The following ADAMTSL1 variants were observed in gnomAD, a reference collection of about 807,000 sequenced individuals.
ADAMTSL1 encodes the protein ADAMTS-like protein 1.
Under a neutral mutation model 201.8 loss-of-function variants are expected in ADAMTSL1, and 126 were observed. That is an observed-to-expected ratio of 0.62 (90% CI 0.54 to 0.72). The LOEUF is 0.72. Among genes scored for constraint, ADAMTSL1 ranks in the 30% least tolerant of loss-of-function variants. The pLI is 0.00. For missense variants in ADAMTSL1, 2,679 were observed against 2,277.8 expected (o/e 1.18, Z -3.59); for synonymous variants, 1,121 against 903.4 (o/e 1.24, Z -4.32).
intron 2 of ADAMTSL1, among the ~76,000 whole-genome samples, chr9:18,349,532 T>C (rs891097113): frequency 1.3e-5 from 2 of 152,152 alleles, no homozygotes; most frequent in South Asian, 2.1e-4. Context: ...CCTCAAGATA[T>C]TATTGGGAGG....
chr9:18,100,112 C>T (rs1824451731), intron 1 of ADAMTSL1, among the ~76,000 whole-genome samples: 1 of 151,950 alleles, frequency 6.6e-6, no homozygotes, highest in Non-Finnish European at 1.5e-5. Flanking sequence ...ATTGTTTAGC[C>T]TGTTTTTATG....
intron 2 of ADAMTSL1, among the ~76,000 whole-genome samples, chr9:18,224,033 T>C (rs919979422): frequency 6.6e-6 from 1 of 152,130 alleles, no homozygotes; most frequent in Non-Finnish European, 1.5e-5. Context: ...TTTTTTTTCT[T>C]CTTTTATCCT....
At chr9:18,084,383 G>A (rs528770797) in intron 1 of ADAMTSL1, among the ~76,000 whole-genome samples, 6 of 152,106 alleles carry the variant, frequency 3.9e-5, no homozygotes, top group East Asian at 1.9e-4. Context: ...TTAGCTGGGC[G>A]CGGTGGTGTG....
chr9:18,800,101 G>C (rs1822689184), intron 20 of ADAMTSL1, among the ~76,000 whole-genome samples: 1 of 152,144 alleles, frequency 6.6e-6, no homozygotes, highest in African/African-American at 2.4e-5. Context: ...AGTGGCCCAG[G>C]CACGGTGGCT....
intron 1 of ADAMTSL1, among the ~76,000 whole-genome samples, chr9:18,485,681 C>T (rs952164115): frequency 2.6e-5 from 4 of 152,134 alleles, no homozygotes; most frequent in Admixed American, 2.6e-4. Flanking sequence ...GAGGGACTTG[C>T]ACGGCAAAGG....
At chr9:18,661,154 T>C (rs187506833) in intron 8 of ADAMTSL1, among the ~76,000 whole-genome samples, 130 of 152,210 alleles carry the variant, frequency 8.5e-4, no homozygotes, top group Admixed American at 6.0e-3. Context: ...GTAGGAAAGA[T>C]AAAACATATG....
At chr9:18,577,112 A>G (rs1192684949) in intron 4 of ADAMTSL1, among the ~76,000 whole-genome samples, 2 of 152,194 alleles carry the variant, frequency 1.3e-5, no homozygotes, top group African/African-American at 4.8e-5. Context: ...AATTCTATGT[A>G]TTGAAAACAC....
chr9:18,868,633 T>C (rs1827689793), intron 23 of ADAMTSL1, among the ~76,000 whole-genome samples: 1 of 152,190 alleles, frequency 6.6e-6, no homozygotes, highest in African/African-American at 2.4e-5. Flanking sequence ...GTTTGGAAAA[T>C]ATAAAGCTCA....
At chr9:17,915,412 G>T (rs1826054091) in intron 1 of ADAMTSL1, among the ~76,000 whole-genome samples, 1 of 152,080 alleles carries the variant, frequency 6.6e-6, no homozygotes, top group African/African-American at 2.4e-5. Flanking sequence ...TTATTCCTGA[G>T]TAGTATTGCA....
At chr9:18,006,073 A>C (rs1819808322) in intron 1 of ADAMTSL1, among the ~76,000 whole-genome samples, 1 of 151,782 alleles carries the variant, frequency 6.6e-6, no homozygotes, top group Admixed American at 6.6e-5. Context: ...GTAAATTTGA[A>C]CAACCACCAC....
chr9:18,799,522 G>C (rs1822641872), intron 20 of ADAMTSL1, among the ~76,000 whole-genome samples: 1 of 152,176 alleles, frequency 6.6e-6, no homozygotes, highest in South Asian at 2.1e-4. Context: ...ATGGAGCATT[G>C]GTGAGGTCAT....
At chr9:18,769,257 G>T (rs964058954) in intron 16 of ADAMTSL1, among the ~76,000 whole-genome samples, 2 of 152,168 alleles carry the variant, frequency 1.3e-5, no homozygotes, top group African/African-American at 2.4e-5. Context: ...AGTTCTGAGA[G>T]GGGCACTCCT....
chr9:18,377,609 A>G (rs547930738), intron 2 of ADAMTSL1, among the ~76,000 whole-genome samples: 1 of 152,258 alleles, frequency 6.6e-6, no homozygotes, highest in Admixed American at 6.5e-5. Context: ...TCACTCTGTC[A>G]CCCAGGCTAG....
At chr9:18,546,446 C>G (rs571619944) in intron 3 of ADAMTSL1, among the ~76,000 whole-genome samples, 1 of 151,976 alleles carries the variant, frequency 6.6e-6, no homozygotes, top group Non-Finnish European at 1.5e-5. Context: ...TATTAGATTC[C>G]TTTTCCTTTG....
chr9:18,446,589 C>T (rs1463166082), intron 2 of ADAMTSL1, among the ~76,000 whole-genome samples: 1 of 152,180 alleles, frequency 6.6e-6, no homozygotes, highest in East Asian at 1.9e-4. Context: ...TACAAAAGGC[C>T]AAATGGGTCC....
chr9:18,244,803 C>T lies in ADAMTSL1; in HGVS notation c.207+80822C>T, dbSNP rs534516410. On this transcript the variant is annotated intron_variant, in intron 2 of 29. Transcript: ENST00000680146. ...TAATGAGTCATGCTCTCCCTCTCTCCTCTCTTATGGTTTAGATCTCTTGTC... is the reference window on the plus strand; with the variant it reads ...TAATGAGTCATGCTCTCCCTCTCTCTTCTCTTATGGTTTAGATCTCTTGTC... 4.6e-5 allele frequency among the ~76,000 whole-genome samples: 7 copies of T among 152,254 alleles called. No homozygotes were observed. The East Asian group carries it at 5.8e-4, about 13-fold the overall frequency.
exon 1 of ADAMTSL1, chr9:17,906,783 C>T (rs1825729497): frequency 6.6e-6 from 1 of 152,422 alleles, no homozygotes; most frequent in Non-Finnish European, 1.5e-5. Context: ...GCGGCCACCT[C>T]TTCGAGGGAG....
intron 1 of ADAMTSL1, among the ~76,000 whole-genome samples, chr9:17,930,690 G>A (rs1458814038): frequency 6.6e-6 from 1 of 152,144 alleles, no homozygotes; most frequent in African/African-American, 2.4e-5. Context: ...GCTAAAAATA[G>A]GAGTGTGAGT....
At chr9:18,216,771 C>G (rs1436594095) in intron 2 of ADAMTSL1, among the ~76,000 whole-genome samples, 1 of 151,360 alleles carries the variant, frequency 6.6e-6, no homozygotes, top group Non-Finnish European at 1.5e-5. Flanking sequence ...TGACTCTAGA[C>G]ATTACTACCT....
Sources: gnomAD v4.1 joint callset for allele counts (sites outside exome capture counted in the v4.1 genomes callset) on GRCh38, gnomAD v4.1.1 for gene constraint, MANE v1.5 for transcripts, NCBI Gene and HGNC (gene_info 2026-07-23, HGNC 2026-07-21) for gene names.